Variants in RELL1 observed in about 807,000 individuals in gnomAD.
The protein encoded by RELL1 is RELT like 1, also known as RELT-like protein 1.
Under a neutral mutation model 23.0 loss-of-function variants are expected in RELL1, and 10 were observed. The ratio of observed to expected loss-of-function variants is 0.43; its 90% CI spans 0.27 to 0.74. The LOEUF is 0.74. Among genes scored for constraint, RELL1 ranks in the 30% least tolerant of loss-of-function variants. The pLI is 0.19. For synonymous variants in RELL1, 146 were observed against 146.8 expected, an observed-to-expected ratio of 0.99 and a Z score of 0.04; for missense variants, 315 against 364.4, an observed-to-expected ratio of 0.86 and a Z score of 1.10.
chr4:37,633,533 C>T (rs1720215834), intron 5 of RELL1, among the ~76,000 whole-genome samples: 1 of 150,800 alleles, frequency 6.6e-6, no homozygotes, highest in Admixed American at 6.6e-5. Flanking sequence ...TACAGGTTCT[C>T]ACTGCTTTGC....
At chr4:37,590,399 C>G (rs1423988328), downstream of RELL1, 2 of 1,613,618 alleles carry the variant, frequency 1.2e-6, no homozygotes, top group African/African-American at 2.7e-5. Flanking sequence ...AATTCCAGCC[C>G]CACCCAGGAT....
At chr4:37,588,108 T>C (rs1718412545), downstream of RELL1, 1 of 152,250 alleles carries the variant, frequency 6.6e-6, no homozygotes. Context: ...GAGAAGATTT[T>C]GTTCCAAAGG....
At chr4:37,606,204 G>GAA (rs900244684), downstream of RELL1, among the ~76,000 whole-genome samples, 1 of 150,188 alleles carries the variant, frequency 6.7e-6, no homozygotes, top group African/African-American at 2.4e-5. The surrounding 1 kb of genome is among the most constrained non-coding windows in gnomAD (Gnocchi z 4.1). Context: ...AAAGAAGAAA[G>GAA]AAAGAAGGAA....
chr4:37,611,834 A>G lies in RELL1; in HGVS notation c.*1512T>C, dbSNP rs111854173. ...TTACAGGATGAAAAACAGGAAATAC[A>G]CAAAGAAAAACATGCCAGAGGTAGG... On this transcript the variant is annotated 3_prime_UTR_variant, in exon 7 of 7. Coordinates refer to ENST00000454158, the MANE Select transcript of RELL1 (RefSeq NM_001085400.2). Among the ~76,000 whole-genome samples the G allele has an allele frequency of 6.0e-3, 911 of 152,316 alleles. 6 individuals carry two copies. The highest frequency in any genetic ancestry group is 0.021 in the African/African-American group (873 of 41,560).
At chr4:37,665,245 A>G (rs1008242550) in intron 1 of RELL1, 1 of 456,290 alleles carries the variant, frequency 2.2e-6, no homozygotes, top group Non-Finnish European at 4.4e-6. Context: ...AACATAAATA[A>G]GTAGATTCTT....
intron 6 of RELL1, chr4:37,591,755 C>T (rs750225119): frequency 2.6e-5 from 4 of 152,264 alleles, no homozygotes; most frequent in South Asian, 4.1e-4. Flanking sequence ...TCATGACATT[C>T]GGAACAGCAA....
downstream of RELL1, among the ~76,000 whole-genome samples, chr4:37,606,534 A>G (rs2109222358): frequency 6.6e-6 from 1 of 152,372 alleles, no homozygotes; most frequent in East Asian, 1.9e-4. This position sits in a 1 kb window ranked among gnomAD's most constrained non-coding sequence, Gnocchi z 4.1. Flanking sequence ...CCTAAACCCA[A>G]TGCCTGGTGT....
In RELL1 at chr4:37,653,715, G is replaced by A. The variant is rs1721029897; in HGVS notation, c.89-4215C>T. On this transcript the variant is annotated intron_variant, in intron 1 of 6. Transcript: ENST00000454158. Reference sequence around the variant, plus strand: ...CTCCCTGACCCACAGAATGTGTTGGGAATGATGCATTATCACTTTCCAGCC... The same window carrying A: ...CTCCCTGACCCACAGAATGTGTTGGAAATGATGCATTATCACTTTCCAGCC... Among the ~76,000 whole-genome samples the A allele has an allele frequency of 4.6e-5, 7 of 152,272 alleles. No homozygotes were observed. In the South Asian group the frequency reaches 1.5e-3, roughly 32 times the overall value.
intron 1 of RELL1, among the ~76,000 whole-genome samples, chr4:37,681,817 G>A (rs1050669480): frequency 1.3e-5 from 2 of 152,142 alleles, no homozygotes; most frequent in Admixed American, 6.5e-5. Flanking sequence ...GTGAGCCACT[G>A]CACCCGGCTT....
downstream of RELL1, among the ~76,000 whole-genome samples, chr4:37,609,145 A>G (rs1719304399): frequency 6.6e-6 from 1 of 152,254 alleles, no homozygotes; most frequent in Non-Finnish European, 1.5e-5. Flanking sequence ...CCTCAAAAGC[A>G]CAGGCTCTCA....
chr4:37,632,295 T>G (rs1720170908), intron 5 of RELL1, among the ~76,000 whole-genome samples: 1 of 151,628 alleles, frequency 6.6e-6, no homozygotes, highest in South Asian at 2.1e-4. Context: ...CCTCAGCCTC[T>G]CAAGTAGCTG....
chr4:37,619,743 T>C (rs1719706852), intron 6 of RELL1, among the ~76,000 whole-genome samples: 1 of 152,138 alleles, frequency 6.6e-6, no homozygotes, highest in African/African-American at 2.4e-5. Context: ...ATTTTTTAAT[T>C]TTTAATTTGC....
At chr4:37,659,798 C>A (rs1721256868) in intron 1 of RELL1, among the ~76,000 whole-genome samples, 2 of 152,090 alleles carry the variant, frequency 1.3e-5, no homozygotes, top group South Asian at 4.2e-4. Flanking sequence ...TCCACAAGGC[C>A]AAATCCAAAC....
chr4:37,669,614 G>T (rs368791541), intron 1 of RELL1, among the ~76,000 whole-genome samples: 6 of 152,216 alleles, frequency 3.9e-5, no homozygotes, highest in Admixed American at 1.3e-4. Flanking sequence ...GGGAAAAGAT[G>T]GAGAAATCGG....
chr4:37,593,977 C>T (rs1389392522), intron 6 of RELL1, among the ~76,000 whole-genome samples: 1 of 152,202 alleles, frequency 6.6e-6, no homozygotes, highest in Non-Finnish European at 1.5e-5. Context: ...CCCAGACACA[C>T]ACTTTCGCAT....
rs1427364481 is a variant in RELL1 at position 37,649,279 on chromosome 4, T to C, written c.310A>G (p.Ile104Val). ...QDIEEEKVEK[I>V]ELNDSVNENS... is the part of the protein sequence containing the mutation. ...AAAAAGAGCCCTGGTTATTTACCTA[T>C]CTTTTCAACCTTTTCCTCTTCGATA... is the stretch of plus-strand genomic sequence containing the variant. The change falls in exon 2 of 7, where the codon ATA becomes GTA. Residue 104 changes from isoleucine to valine, a missense_variant. Physicochemically the swap from Ile to Val is conservative, Grantham distance 29. Transcript: ENST00000454158. 1 of 1,612,928 alleles carries C rather than the reference T, an allele frequency of 6.2e-7. No individual in the cohort carries two copies. The highest frequency in any genetic ancestry group is 1.3e-5 in the African/African-American group (1 of 74,850).
At chr4:37,651,496 A>C (rs1720937708) in intron 1 of RELL1, among the ~76,000 whole-genome samples, 1 of 152,216 alleles carries the variant, frequency 6.6e-6, no homozygotes, top group Admixed American at 6.5e-5. Context: ...AAAGCTAGAG[A>C]CATTTAAATA....
At chr4:37,594,696 TAGCACA>T (rs1718768788) in intron 6 of RELL1, among the ~76,000 whole-genome samples, 1 of 152,230 alleles carries the variant, frequency 6.6e-6, no homozygotes, top group South Asian at 2.1e-4. Flanking sequence ...GTTTCTTACA[TAGCACA>T]TGCCCATCTG....
chr4:37,621,028 G>A (rs146407548), intron 6 of RELL1, among the ~76,000 whole-genome samples: 208 of 152,324 alleles, frequency 1.4e-3, no homozygotes, highest in African/African-American at 4.4e-3. Flanking sequence ...AAGATCTTGA[G>A]CGCAAGAAGT....
Sources: gnomAD v4.1 joint callset for allele counts (sites outside exome capture counted in the v4.1 genomes callset) on GRCh38, gnomAD v4.1.1 for gene constraint, Gnocchi (gnomAD v3.1) non-coding constraint, MANE v1.5 for transcripts, NCBI Gene and HGNC (gene_info 2026-07-23, HGNC 2026-07-21) for gene names.